KIF4A: variants seen among roughly 807,000 people sequenced by gnomAD.
The protein encoded by KIF4A is chromosome-associated kinesin KIF4A.
A neutral mutation model predicts 105.9 loss-of-function variants in KIF4A; 7 were observed. The observed-to-expected ratio is 0.07, with a 90% CI of 0.04 to 0.12. The LOEUF is 0.12. Among genes scored for constraint, KIF4A ranks in the 10% least tolerant of loss-of-function variants. KIF4A has a pLI of 1.00. For missense variants in KIF4A, 558 were observed against 929.2 expected (o/e 0.60, Z 5.19); for synonymous variants, 281 against 331.3 (o/e 0.85, Z 1.65).
intron 10 of KIF4A, among the ~76,000 whole-genome samples, chrX:70,335,690 A>G (rs944995244): frequency 8.9e-6 from 1 of 111,959 alleles, no homozygotes; most frequent in African/African-American, 3.2e-5. Context: ...CAACTTAGAA[A>G]GTTAAATACT....
intron 15 of KIF4A, among the ~76,000 whole-genome samples, chrX:70,360,405 G>C (rs1364117956): frequency 1.8e-5 from 2 of 112,306 alleles, no homozygotes; most frequent in Non-Finnish European, 3.8e-5. Flanking sequence ...GCTGGGGAGA[G>C]AAGGGGGCTC....
Position 70,348,633 on chromosome X carries a change from T to G in KIF4A, c.1432-3967T>G, listed in dbSNP as rs934263914. 1.3e-4 allele frequency among the ~76,000 whole-genome samples: 14 copies of G among 111,074 alleles called. No homozygotes were observed. The South Asian group carries it at 3.9e-3, about 31-fold the overall frequency. On this transcript the variant is annotated intron_variant, in intron 13 of 30. Transcript: ENST00000374403. ...GCCCTTAATCCATTTAACCCTGAGT[T>G]GACACAGCACATGTTTCAGAGAGCA...
chrX:70,404,847 G>A, intron 25 of KIF4A, 25 bp downstream of exon 25: 1 of 1,030,371 alleles, frequency 9.7e-7, no homozygotes, highest in Non-Finnish European at 1.4e-6. Context: ...GGTCTCCAGA[G>A]ATGAGTTTCA....
chrX:70,337,377 C>G (rs1224395535), intron 10 of KIF4A, among the ~76,000 whole-genome samples: 2 of 111,332 alleles, frequency 1.8e-5, no homozygotes, highest in Non-Finnish European at 3.8e-5. Context: ...AACAAACAAA[C>G]AAAAAAACAT....
intron 7 of KIF4A, among the ~76,000 whole-genome samples, chrX:70,307,924 A>G (rs1335128254): frequency 9.0e-6 from 1 of 111,442 alleles, no homozygotes; most frequent in Admixed American, 9.6e-5. Context: ...TTGAACCTAT[A>G]CATCTTCCAC....
chrX:70,375,400 G>T (rs1192054964), intron 17 of KIF4A, 52 bp downstream of exon 17: 2 of 1,131,603 alleles, frequency 1.8e-6, no homozygotes, highest in African/African-American at 1.8e-5. Flanking sequence ...ACAAACATAG[G>T]TATTCCATTT....
chrX:70,401,057 G>A (rs377069362), intron 22 of KIF4A, among the ~76,000 whole-genome samples: 5 of 99,466 alleles, frequency 5.0e-5, no homozygotes, highest in African/African-American at 1.1e-4. Context: ...GTGAGCCACC[G>A]CGCCCCGCCA....
At chrX:70,339,228 A>G (rs985401486) in intron 10 of KIF4A, among the ~76,000 whole-genome samples, 1 of 111,276 alleles carries the variant, frequency 9.0e-6, no homozygotes, top group African/African-American at 3.3e-5. Context: ...TTTGTTTTCA[A>G]TTATTCATTT....
intron 7 of KIF4A, among the ~76,000 whole-genome samples, chrX:70,322,369 T>C (rs1488188067): frequency 1.8e-5 from 2 of 109,045 alleles, no homozygotes; most frequent in East Asian, 5.7e-4. Flanking sequence ...TGAAGTGCAG[T>C]GGCGCAATCT....
Position 70,407,038 on chromosome X carries a change from C to A in KIF4A, c.3218C>A (p.Thr1073Lys). The A allele has an allele frequency of 1.7e-6, 2 of 1,203,680 alleles. No individual in the cohort carries two copies. Among genetic ancestry groups the A allele is most frequent in the South Asian group, 1.8e-5 (1 of 55,941 alleles). ...GGGGATGACGAGGAATGGAAGCCAA[C>A]AAAATTAGTTAAGGTGTCCAGGAAG... Reference protein sequence around the residue: ...DEGDDEEWKPTKLVKVSRKNI... With the variant: ...DEGDDEEWKPKKLVKVSRKNI... Residue 1073 changes from threonine to lysine, a missense_variant, in exon 28 of 31, where the codon ACA becomes AAA. Physicochemically the swap from Thr to Lys is moderately conservative, Grantham distance 78. Around this residue, in one of 2 missense-constraint regions of KIF4A, gnomAD observed 469 missense variants for 680.4 expected, o/e 0.69. Coordinates refer to ENST00000374403, the MANE Select transcript of KIF4A (RefSeq NM_012310.5).
In KIF4A at chrX:70,418,000, G is replaced by A. The variant is rs745869599; in HGVS notation, c.3368G>A (p.Gly1123Asp). The A allele has an allele frequency of 4.2e-6, 5 of 1,202,449 alleles. No individual in the cohort carries two copies. The highest frequency in any genetic ancestry group is 4.4e-5 in the Admixed American group (2 of 45,348). ...DPTKCRNRQQ[G>D]KDSLGTVERT... is the part of the protein sequence containing the mutation. ...ACAAAGTGTCGGAACCGCCAGCAAG[G>A]CAAGGTAGGATCAGGGCTGTTTCCT... The change falls in exon 29 of 31, where the codon GGC becomes GAC. Residue 1123 changes from glycine (G) to aspartate (D), a missense_variant. Transcript: ENST00000374403.
At chrX:70,402,516 C>G in intron 22 of KIF4A, 50 bp from the exon 23 acceptor site, 1 of 1,186,095 alleles carries the variant, frequency 8.4e-7, no homozygotes, top group East Asian at 3.0e-5. Flanking sequence ...CTTCCCCCTT[C>G]TTGATGTTCA....
intron 3 of KIF4A, among the ~76,000 whole-genome samples, chrX:70,292,053 A>T (rs2085763413): frequency 1.8e-5 from 2 of 112,148 alleles, no homozygotes; most frequent in Admixed American, 9.5e-5. Context: ...TCAAACGTAT[A>T]GAATGTTGCA....
intron 29 of KIF4A, among the ~76,000 whole-genome samples, chrX:70,419,428 C>A (rs1272536345): frequency 8.9e-6 from 1 of 112,057 alleles, no homozygotes; most frequent in African/African-American, 3.2e-5. Context: ...TGTGAGATGT[C>A]CCATGCAACT....
At chrX:70,358,840 GGGCCTAGT>G (rs1334880449) in intron 15 of KIF4A, among the ~76,000 whole-genome samples, 1 of 112,402 alleles carries the variant, frequency 8.9e-6, no homozygotes, top group African/African-American at 3.2e-5. Flanking sequence ...AGAGTTGTAT[GGGCCTAGT>G]GGTGGTATGC....
chrX:70,339,576 C>T (rs2085964737), intron 10 of KIF4A, among the ~76,000 whole-genome samples: 1 of 112,346 alleles, frequency 8.9e-6, no homozygotes, highest in Non-Finnish European at 1.9e-5. Context: ...CTTAATTGTT[C>T]AATATTTTAC....
intron 3 of KIF4A, among the ~76,000 whole-genome samples, chrX:70,295,777 C>T (rs1017823298): frequency 8.3e-5 from 9 of 107,918 alleles, no homozygotes; most frequent in Admixed American, 3.0e-4. Context: ...ATTAGCTGGG[C>T]GTGGTGGCAC....
chrX:70,376,297 C>T (rs1766408280), intron 18 of KIF4A, 87 bp downstream of exon 18: 10 of 502,213 alleles, frequency 2.0e-5, no homozygotes, highest in Middle Eastern at 3.4e-4. Context: ...TCAAACACCT[C>T]GTGTCTCCAA....
intron 22 of KIF4A, among the ~76,000 whole-genome samples, chrX:70,400,303 T>C (rs1320179644): frequency 1.8e-5 from 2 of 110,548 alleles, no homozygotes; most frequent in Non-Finnish European, 3.8e-5. Flanking sequence ...GATAGTTTAC[T>C]GAGAATGATG....
Sources: gnomAD v4.1 joint callset for allele counts (sites outside exome capture counted in the v4.1 genomes callset) on GRCh38, gnomAD v4.1.1 for gene constraint, gnomAD v4.1.1 regional missense constraint, MANE v1.5 for transcripts, NCBI Gene and HGNC (gene_info 2026-07-23, HGNC 2026-07-21) for gene names.